The following GTPBP1 variants were observed in gnomAD, a reference collection of about 807,000 sequenced individuals.
The protein encoded by GTPBP1 is GTP-binding protein 1.
GTPBP1 carries 23 observed loss-of-function variants against 62.0 expected under a neutral mutation model. The observed-to-expected ratio is 0.37, with a 90% CI of 0.27 to 0.53. The LOEUF is 0.53. Ranked by LOEUF, GTPBP1 falls within the 20% of genes least tolerant of loss-of-function variation. GTPBP1 has a pLI of 0.89. For synonymous variants in GTPBP1, 344 were observed against 364.4 expected (o/e 0.94, Z 0.64); for missense variants, 640 against 917.3 (o/e 0.70, Z 3.90).
downstream of GTPBP1, chr22:38,738,512 G>A: frequency 6.4e-7 from 1 of 1,555,662 alleles, no homozygotes; most frequent in Admixed American, 1.8e-5. The surrounding 1 kb of genome is among the most constrained non-coding windows in gnomAD (Gnocchi z 6.6). Context: ...GGGTGACCCT[G>A]ACTTGATCCT....
intron 1 of GTPBP1, chr22:38,706,464 G>GC (rs980798806): frequency 7.8e-5 from 18 of 230,104 alleles, no homozygotes; most frequent in Middle Eastern, 1.3e-3. Context: ...TGCGCTCCGC[G>GC]CGTTCCCTGT....
intron 5 of GTPBP1, chr22:38,723,485 C>T: frequency 1.3e-6 from 1 of 795,624 alleles, no homozygotes; most frequent in Non-Finnish European, 2.1e-6. Flanking sequence ...TCAGAGTAGC[C>T]TTCCCACAGC....
At chr22:38,739,823 G>A, downstream of GTPBP1, 1 of 1,613,640 alleles carries the variant, frequency 6.2e-7, no homozygotes, top group Non-Finnish European at 8.5e-7. The surrounding 1 kb of genome is among the most constrained non-coding windows in gnomAD (Gnocchi z 6.7). Context: ...ACATGGGTGA[G>A]GATCTTGCTC....
chr22:38,718,375 G>T (rs192536165), intron 4 of GTPBP1, among the ~76,000 whole-genome samples: 12 of 152,278 alleles, frequency 7.9e-5, no homozygotes, highest in African/African-American at 9.6e-5. Flanking sequence ...TATATTATCT[G>T]ACTTTTTGGT....
Position 38,730,321 on chromosome 22 carries a change from T to C in GTPBP1, c.1918-291T>C, listed in dbSNP as rs955834178. Among the ~76,000 whole-genome samples the C allele has an allele frequency of 6.6e-6, 1 of 152,208 alleles. No homozygotes were observed. The highest frequency in any genetic ancestry group is 1.5e-5 in the Non-Finnish European group (1 of 68,032). ...TCCTCTGGTTCGTTCGCTTCCTTTC[T>C]CTCTCTCCTGCTCTGCTTTGTGCTT... On this transcript the variant is annotated intron_variant, in intron 11 of 11. Transcript: ENST00000216044. This position sits in a 1 kb window ranked among gnomAD's most constrained non-coding sequence, Gnocchi z 5.6.
chr22:38,732,510 G>A lies in GTPBP1; in HGVS notation c.*1806G>A, dbSNP rs114353122. ...ATCACCTTGTGTGGATTCAGAGAAT[G>A]TGAGGCCCTGGGGTGTCCTACACAA... On this transcript the variant is annotated 3_prime_UTR_variant, in exon 12 of 12. Transcript: ENST00000216044. The A allele has an allele frequency of 5.5e-3, 839 of 152,358 alleles. 6 individuals carry two copies. The highest frequency in any genetic ancestry group is 0.019 in the African/African-American group (793 of 41,574). 9.4% of individuals were successfully genotyped at this position (152,358 alleles called of 1,614,324 possible).
chr22:38,730,941 TCA>T lies in GTPBP1; in HGVS notation c.*242_*243del. 5.7e-6 allele frequency: 3 copies of T among 522,536 alleles called. No individual in the cohort carries two copies. The South Asian group carries it at 7.4e-5, about 13-fold the overall frequency. 32.4% of individuals were successfully genotyped at this position (522,536 alleles called of 1,614,324 possible). On this transcript the variant is annotated 3_prime_UTR_variant, in exon 12 of 12. Coordinates refer to ENST00000216044, the MANE Select transcript of GTPBP1 (RefSeq NM_004286.5). This position sits in a 1 kb window ranked among gnomAD's most constrained non-coding sequence, Gnocchi z 5.6. Reference sequence around the variant, plus strand: ...CTGTCCTCCCCACCTTCTTCCTCACTCACACATTTTTTGTACATCTGGGCCCT... The same window carrying T: ...CTGTCCTCCCCACCTTCTTCCTCACTCACATTTTTTGTACATCTGGGCCCT...
intron 4 of GTPBP1, among the ~76,000 whole-genome samples, chr22:38,717,643 C>G (rs1182836166): frequency 1.3e-5 from 2 of 152,134 alleles, no homozygotes. Context: ...TAAAAACAAC[C>G]AAAAAGTGTT....
chr22:38,718,729 A>T (rs2092684148), intron 4 of GTPBP1, among the ~76,000 whole-genome samples: 1 of 152,218 alleles, frequency 6.6e-6, no homozygotes, highest in Admixed American at 6.5e-5. Context: ...CTTTTCTTTC[A>T]AATTTTCTTC....
At chr22:38,714,833 A>G (rs1007554868) in intron 2 of GTPBP1, among the ~76,000 whole-genome samples, 3 of 152,116 alleles carry the variant, frequency 2.0e-5, no homozygotes, top group African/African-American at 7.2e-5. Context: ...CAGCTGGGAA[A>G]GGCTGAGGGA....
chr22:38,735,068 C>T (rs2092790801), downstream of GTPBP1: 1 of 331,058 alleles, frequency 3.0e-6, no homozygotes, highest in Admixed American at 4.2e-5. Context: ...GGCTAGGAAT[C>T]AAGCCCTTAG....
At chr22:38,709,072 C>T (rs1177123284) in intron 2 of GTPBP1, 116 bp downstream of exon 2, 9 of 622,386 alleles carry the variant, frequency 1.4e-5, no homozygotes, top group Non-Finnish European at 2.7e-5. Context: ...CACCTGAGGT[C>T]AGGAGTTCGA....
chr22:38,738,091 TG>T, downstream of GTPBP1: 1 of 1,258,580 alleles, frequency 7.9e-7, no homozygotes, highest in Non-Finnish European at 1.2e-6. The surrounding 1 kb of genome is among the most constrained non-coding windows in gnomAD (Gnocchi z 6.6). Context: ...ACCCCATGCC[TG>T]GCAGGGTAAG....
chr22:38,741,077 A>G (rs2092853556), downstream of GTPBP1: 4 of 1,583,720 alleles, frequency 2.5e-6, no homozygotes, highest in Non-Finnish European at 3.4e-6. Flanking sequence ...GACAAATACA[A>G]GAAATACTCA....
At chr22:38,723,907 C>A (rs2092713674) in intron 5 of GTPBP1, among the ~76,000 whole-genome samples, 1 of 152,202 alleles carries the variant, frequency 6.6e-6, no homozygotes, top group Non-Finnish European at 1.5e-5. Context: ...CTGTAGACTT[C>A]TAAATGTCTA....
At chr22:38,739,186 G>T (rs1453469836), downstream of GTPBP1, 6 of 947,982 alleles carry the variant, frequency 6.3e-6, no homozygotes, top group Middle Eastern at 2.6e-4. The surrounding 1 kb of genome is among the most constrained non-coding windows in gnomAD (Gnocchi z 6.7). Flanking sequence ...TGACTTCCCT[G>T]AATTGCCACT....
chr22:38,724,310 G>A lies in GTPBP1; in HGVS notation c.972G>A (p.Leu324=), dbSNP rs772113360. Residue 324 remains leucine (L), a synonymous_variant, in exon 6 of 12, where the codon CTG becomes CTA. Coordinates refer to ENST00000216044, the MANE Select transcript of GTPBP1 (RefSeq NM_004286.5). ...PANILQETLK[L]LQRLLKSPGC... Reference sequence around the variant, plus strand: ...GCACCCTTTAAGAAACCCTGAAGCTGTTACAGCGCCTGCTGAAGTCACCAG... The same window carrying A: ...GCACCCTTTAAGAAACCCTGAAGCTATTACAGCGCCTGCTGAAGTCACCAG... 5.0e-6 allele frequency: 8 copies of A among 1,609,676 alleles called. No homozygotes were observed. Among genetic ancestry groups the A allele is most frequent in the Non-Finnish European group, 6.8e-6 (8 of 1,176,040 alleles).
intron 6 of GTPBP1, chr22:38,725,717 A>G: frequency 2.5e-6 from 1 of 394,496 alleles, no homozygotes; most frequent in Non-Finnish European, 4.6e-6. Flanking sequence ...TTTAGGAAGA[A>G]GCAGTCATGA....
chr22:38,739,218 G>T (rs1343876514), downstream of GTPBP1: 1 of 1,148,770 alleles, frequency 8.7e-7, no homozygotes, highest in East Asian at 2.4e-5. This position sits in a 1 kb window ranked among gnomAD's most constrained non-coding sequence, Gnocchi z 6.7. Context: ...TGGGTACTAG[G>T]TTGGGTGATT....
Sources: allele counts gnomAD v4.1 joint callset (sites outside exome capture counted in the v4.1 genomes callset), GRCh38; gene constraint gnomAD v4.1.1; non-coding constraint Gnocchi (gnomAD v3.1); transcripts MANE v1.5; gene names NCBI Gene and HGNC (gene_info 2026-07-23, HGNC 2026-07-21).